C8orf34: variants seen among roughly 807,000 people sequenced by gnomAD.
C8orf34 encodes the protein chromosome 8 open reading frame 34, also known as uncharacterized protein C8orf34.
A neutral mutation model predicts 68.3 loss-of-function variants in C8orf34; 65 were observed. That is an observed-to-expected ratio of 0.95 (90% CI 0.78 to 1.17). The LOEUF (loss-of-function observed/expected upper bound fraction) is 1.17, where lower values mean the gene tolerates loss of function less well. Ranked by LOEUF, C8orf34 falls within the 50% of genes most tolerant of loss-of-function variation. The pLI is 0.00. For synonymous variants in C8orf34, 244 were observed against 241.2 expected (o/e 1.01, Z -0.11); for missense variants, 664 against 655.4 (o/e 1.01, Z -0.14).
chr8:68,620,832 G>A (rs1818368563), intron 7 of C8orf34, among the ~76,000 whole-genome samples: 1 of 151,580 alleles, frequency 6.6e-6, no homozygotes, highest in Admixed American at 6.6e-5. Context: ...TTGAGAGCAA[G>A]GTCAGATTAT....
At chr8:68,651,185 C>T (rs1819347703) in intron 8 of C8orf34, among the ~76,000 whole-genome samples, 1 of 152,172 alleles carries the variant, frequency 6.6e-6, no homozygotes, top group Admixed American at 6.5e-5. Context: ...ATTCATCCAT[C>T]CATCTATTCC....
intron 7 of C8orf34, among the ~76,000 whole-genome samples, chr8:68,538,170 A>G (rs1218482073): frequency 6.6e-6 from 1 of 152,176 alleles, no homozygotes; most frequent in Non-Finnish European, 1.5e-5. Flanking sequence ...GTTTTTTGAC[A>G]CATACCAATA....
chr8:68,772,868 TTTCC>T (rs370121635), intron 10 of C8orf34, among the ~76,000 whole-genome samples: 4,313 of 150,348 alleles, frequency 0.029, 113 homozygotes, highest in African/African-American at 0.061. Context: ...TCCTTCCTTC[TTTCC>T]TTCCTTCCTT....
At chr8:68,352,161 G>A (rs534291043) in intron 1 of C8orf34, among the ~76,000 whole-genome samples, 16 of 151,694 alleles carry the variant, frequency 1.1e-4, no homozygotes, top group African/African-American at 3.6e-4. Context: ...TCATTCTCTT[G>A]AATATTCTAC....
At chr8:68,763,198 G>A (rs1010093043) in intron 10 of C8orf34, among the ~76,000 whole-genome samples, 2 of 152,170 alleles carry the variant, frequency 1.3e-5, no homozygotes, top group East Asian at 1.9e-4. Flanking sequence ...CTAGGCTGAA[G>A]GGGTTTAGAC....
chr8:68,525,980 A>G lies in C8orf34; in HGVS notation c.938+4009A>G, dbSNP rs546986640. On this transcript the variant is annotated intron_variant, in intron 6 of 13. Transcript: ENST00000518698. ...TCTTTTTTTTTTTTTTTTTTTTGAG[A>G]CAGAGTCTCACTCTGTCACACAGAC... The G allele has an allele frequency of 2.3e-3, 543 of 233,742 alleles. 1 individual carries two copies. The highest frequency in any genetic ancestry group is 3.7e-3 in the Non-Finnish European group (473 of 129,332). 14.5% of individuals were successfully genotyped at this position (233,742 alleles called of 1,614,324 possible).
At chr8:68,385,291 G>A (rs146472335) in intron 1 of C8orf34, among the ~76,000 whole-genome samples, 39 of 152,228 alleles carry the variant, frequency 2.6e-4, no homozygotes, top group African/African-American at 7.0e-4. Context: ...CAAACAAATG[G>A]AGGAACAAAG....
At position 68,796,849 on chromosome 8, in the gene C8orf34, C is replaced by T. The variant is rs1824193491; in HGVS notation, c.1549+9313C>T. Among the ~76,000 whole-genome samples the T allele has an allele frequency of 2.5e-5, 3 of 121,000 alleles. No individual in the cohort carries two copies. In the Admixed American group the frequency reaches 3.0e-4, roughly 12 times the overall value. The allele number at this position is 121,000 out of a possible 152,430, so 79.4% of individuals were successfully genotyped here. A position where few individuals can be genotyped will look rare whatever the true frequency, so the allele number is the denominator to read the frequency against. On this transcript the variant is annotated intron_variant, in intron 12 of 13. Transcript: ENST00000518698. ...TTTTTTTTTTTTTTTTTTTTTGAGA[C>T]AGTGTCTTGCTCTGTCGCTGAGGCT...
intron 10 of C8orf34, among the ~76,000 whole-genome samples, chr8:68,772,700 TCC>T (rs1339321445): frequency 2.3e-5 from 3 of 128,296 alleles, no homozygotes; most frequent in African/African-American, 8.7e-5. Context: ...CCTCCCTCCC[TCC>T]CTCTCTTTCT....
chr8:68,676,075 A>G (rs529202409), intron 8 of C8orf34, among the ~76,000 whole-genome samples: 7 of 152,166 alleles, frequency 4.6e-5, no homozygotes, highest in Non-Finnish European at 1.0e-4. Context: ...CGGAGCATGC[A>G]TATAATCCCG....
At chr8:68,413,075 G>T (rs193233161) in intron 1 of C8orf34, among the ~76,000 whole-genome samples, 1 of 152,138 alleles carries the variant, frequency 6.6e-6, no homozygotes, top group Non-Finnish European at 1.5e-5. Flanking sequence ...CGGTTGGGAG[G>T]AAAATACACT....
intron 10 of C8orf34, among the ~76,000 whole-genome samples, chr8:68,742,891 G>T (rs1251658281): frequency 8.5e-5 from 13 of 152,232 alleles, no homozygotes; most frequent in African/African-American, 3.1e-4. Context: ...TCTTCCTGAA[G>T]TTCCTGCTTC....
chr8:68,781,607 T>C (rs1245623659), intron 11 of C8orf34, among the ~76,000 whole-genome samples: 2 of 152,200 alleles, frequency 1.3e-5, no homozygotes, highest in East Asian at 1.9e-4. Context: ...TTTTAGCTCT[T>C]TGACCCCATC....
intron 8 of C8orf34, among the ~76,000 whole-genome samples, chr8:68,674,294 A>G (rs185092017): frequency 2.0e-5 from 3 of 152,188 alleles, no homozygotes; most frequent in Admixed American, 6.5e-5. Context: ...TGACCTCACC[A>G]GATGAACTAA....
intron 7 of C8orf34, among the ~76,000 whole-genome samples, chr8:68,621,758 C>T (rs1046907237): frequency 1.3e-5 from 2 of 152,198 alleles, no homozygotes; most frequent in Non-Finnish European, 2.9e-5. Flanking sequence ...CAAAACTGCT[C>T]ACTGAAGTAA....
At position 68,500,272 on chromosome 8, in the gene C8orf34, C is replaced by T. The variant is rs138426117; in HGVS notation, c.765+12221C>T. 9.9e-5 allele frequency among the ~76,000 whole-genome samples: 15 copies of T among 152,232 alleles called. No homozygotes were observed. In the East Asian group the frequency reaches 2.7e-3, roughly 27 times the overall value. On this transcript the variant is annotated intron_variant, in intron 5 of 13. Transcript: ENST00000518698. ...ATACTTGAATATAATCATAAGGAAA[C>T]ATTGGAAAACACCAGTTGAGGGACC...
At chr8:68,528,149 G>A (rs561427720) in intron 6 of C8orf34, among the ~76,000 whole-genome samples, 6 of 152,244 alleles carry the variant, frequency 3.9e-5, no homozygotes, top group Admixed American at 3.9e-4. Flanking sequence ...GGTTAAGTCA[G>A]CGTCAACATC....
intron 8 of C8orf34, among the ~76,000 whole-genome samples, chr8:68,700,400 TG>T (rs1388185497): frequency 9.2e-5 from 14 of 152,142 alleles, no homozygotes; most frequent in Admixed American, 7.9e-4. Flanking sequence ...CGGAGTTAAA[TG>T]GGTTCGGCAA....
At chr8:68,797,106 C>A (rs1340462367) in intron 12 of C8orf34, among the ~76,000 whole-genome samples, 1 of 152,164 alleles carries the variant, frequency 6.6e-6, no homozygotes, top group Non-Finnish European at 1.5e-5. Context: ...GGATTACTGG[C>A]GTGAGCCACC....
Sources: allele counts gnomAD v4.1 joint callset (sites outside exome capture counted in the v4.1 genomes callset), GRCh38; gene constraint gnomAD v4.1.1; transcripts MANE v1.5; gene names NCBI Gene and HGNC (gene_info 2026-07-23, HGNC 2026-07-21).